HNF1A: variants seen among roughly 807,000 people sequenced by gnomAD.
HNF1A encodes HNF1 homeobox A.
Under a neutral mutation model 62.2 loss-of-function variants are expected in HNF1A, and 21 were observed. That is an observed-to-expected ratio of 0.34 (90% CI 0.24 to 0.49). The LOEUF (loss-of-function observed/expected upper bound fraction) is 0.49, where lower values mean the gene tolerates loss of function less well. Ranked by LOEUF, HNF1A falls within the 20% of genes least tolerant of loss-of-function variation. The pLI, the probability that HNF1A is intolerant of heterozygous loss-of-function variation, is 0.99. For synonymous variants in HNF1A, 374 were observed against 366.8 expected, an observed-to-expected ratio of 1.02 and a Z score of -0.22; for missense variants, 687 against 832.3, an observed-to-expected ratio of 0.83 and a Z score of 2.15.
rs1165270118 is a variant in HNF1A, at chr12:120,994,378, C to T, written c.928C>T (p.Pro310Ser). ...PAHSSPGLPP[P>S]ALSPSKVHGV... ...TCACAGCTCCCCTGGCCTGCCTCCA[C>T]CTGCCCTCTCCCCCAGTAAGGTCCA... Residue 310 changes from proline (P) to serine (S), a missense_variant, in exon 4 of 10, where the codon CCT becomes TCT. By Grantham distance (74) the Pro-to-Ser change is moderately conservative. Around this residue, in one of 5 missense-constraint regions of HNF1A, gnomAD observed 408 missense variants for 455.3 expected, o/e 0.90. Coordinates refer to ENST00000257555, the MANE Select transcript of HNF1A (RefSeq NM_000545.8). 1 of 1,592,524 alleles carries T rather than the reference C, an allele frequency of 6.3e-7. No homozygotes were observed. The highest frequency in any genetic ancestry group is 8.6e-7 in the Non-Finnish European group (1 of 1,169,434).
At chr12:120,994,744 C>T (rs1292942465) in intron 4 of HNF1A, among the ~76,000 whole-genome samples, 1 of 151,000 alleles carries the variant, frequency 6.6e-6, no homozygotes, top group Non-Finnish European at 1.5e-5. Flanking sequence ...TCATCCCATC[C>T]ACTACATTCA....
intron 1 of HNF1A, chr12:120,979,540 AGCTGGGGTTTGGGG>A (rs2135820950): frequency 5.7e-6 from 1 of 176,944 alleles, no homozygotes; most frequent in South Asian, 1.3e-4. Flanking sequence ...GAGGGCCCGA[AGCTGGGGTTTGGGG>A]GCTTTCCTGG....
chr12:120,997,744 G>C (rs1877188633), intron 7 of HNF1A, 79 bp downstream of exon 7: 1 of 1,417,800 alleles, frequency 7.1e-7, no homozygotes, highest in South Asian at 1.2e-5. Flanking sequence ...AGGGGTGCCT[G>C]GCAGGCATTG....
At chr12:120,987,300 C>T (rs191652334) in intron 1 of HNF1A, among the ~76,000 whole-genome samples, 224 of 151,938 alleles carry the variant, frequency 1.5e-3, no homozygotes, top group African/African-American at 5.1e-3. Flanking sequence ...CGGTGAAACC[C>T]CGTCTCTACT....
chr12:120,985,963 C>A (rs1219889354), intron 1 of HNF1A, among the ~76,000 whole-genome samples: 1 of 150,968 alleles, frequency 6.6e-6, no homozygotes, highest in Non-Finnish European at 1.5e-5. Context: ...CCAGCCTGGC[C>A]ACAGAGCAAG....
At chr12:120,999,671 C>A in intron 9 of HNF1A, 44 bp downstream of exon 9, 2 of 1,586,486 alleles carry the variant, frequency 1.3e-6, no homozygotes, top group Admixed American at 1.7e-5. Flanking sequence ...GTCCCTGCCC[C>A]CTTCCATGTT....
rs145240086 is a variant in HNF1A, at chr12:120,993,686, G to T, written c.693G>T (p.Thr231=). The part of the protein sequence containing the change: ...QKNPSKEERE[T]LVEECNRAEC... ...ACCCTAGCAAGGAGGAGCGAGAGACGCTAGTGGAGGAGTGCAATAGGTACA... is the reference window on the plus strand; with the variant it reads ...ACCCTAGCAAGGAGGAGCGAGAGACTCTAGTGGAGGAGTGCAATAGGTACA... Residue 231 remains threonine, a synonymous_variant, in exon 3 of 10, where the codon ACG becomes ACT. Transcript: ENST00000257555. 2.5e-6 allele frequency: 4 copies of T among 1,613,884 alleles called. No homozygotes were observed. Among genetic ancestry groups the T allele is most frequent in the Non-Finnish European group, 2.5e-6 (3 of 1,180,022 alleles).
rs1877146772 is a variant in HNF1A, at chr12:120,997,048, T to C, written c.1309+306T>C. ...GTAAGGGGGACTGATGTTTTCTAAG[T>C]TTTTGTTTTATGAAGAAAAATTAAG... is the stretch of plus-strand genomic sequence containing the variant. On this transcript the variant is annotated intron_variant, in intron 6 of 9. Coordinates refer to ENST00000257555, the MANE Select transcript of HNF1A (RefSeq NM_000545.8). 4 of 1,432,096 alleles carry C rather than the reference T, an allele frequency of 2.8e-6. No individual in the cohort carries two copies. In the Admixed American group the frequency reaches 1.1e-4, roughly 39 times the overall value. The allele number at this position is 1,432,096 out of a possible 1,614,324, so 88.7% of individuals were successfully genotyped here.
intron 7 of HNF1A, 29 bp downstream of exon 7, chr12:120,997,694 A>C (rs770543581): frequency 1.1e-5 from 17 of 1,589,810 alleles, no homozygotes; most frequent in Non-Finnish European, 1.4e-5. Context: ...ACACAGCAGG[A>C]GATGATGATA....
chr12:120,979,987 G>A (rs1876168128), intron 1 of HNF1A, among the ~76,000 whole-genome samples: 1 of 152,042 alleles, frequency 6.6e-6, no homozygotes, highest in Non-Finnish European at 1.5e-5. Context: ...AAGGAAGGAT[G>A]GCCTGGGGGC....
intron 1 of HNF1A, among the ~76,000 whole-genome samples, chr12:120,982,869 A>C (rs1876323240): frequency 6.6e-6 from 1 of 152,166 alleles, no homozygotes; most frequent in Non-Finnish European, 1.5e-5. Context: ...GTTGACCATC[A>C]ACTCACTTCC....
intron 1 of HNF1A, among the ~76,000 whole-genome samples, chr12:120,982,418 C>T (rs533457593): frequency 6.6e-6 from 1 of 152,036 alleles, no homozygotes; most frequent in African/African-American, 2.4e-5. Context: ...CATCAGGCAG[C>T]ATCAGGGCAC....
At chr12:120,995,693 G>A (rs931409881) in intron 4 of HNF1A, among the ~76,000 whole-genome samples, 13 of 147,956 alleles carry the variant, frequency 8.8e-5, no homozygotes, top group Non-Finnish European at 1.9e-4. Flanking sequence ...TCCACTCCAC[G>A]CCACACTATT....
intron 1 of HNF1A, among the ~76,000 whole-genome samples, chr12:120,987,081 G>A (rs1191297127): frequency 6.6e-6 from 1 of 152,164 alleles, no homozygotes; most frequent in Non-Finnish European, 1.5e-5. Flanking sequence ...TCTCTCTGGT[G>A]GGAGAATCTC....
rs758034834 is a variant in HNF1A at position 120,999,371 on chromosome 12, C to A, written c.1605C>A (p.Ser535Arg). The A allele has an allele frequency of 1.2e-6, 2 of 1,614,056 alleles. No individual in the cohort carries two copies. Among genetic ancestry groups the A allele is most frequent in the South Asian group, 2.2e-5 (2 of 91,084 alleles). Reference sequence around the variant, plus strand: ...CCACCAACCTGAGCGCCCTGGCCAGCCTCACGCCCACCAAGCAGGTAAGGT... The same window carrying A: ...CCACCAACCTGAGCGCCCTGGCCAGACTCACGCCCACCAAGCAGGTAAGGT... The part of the protein sequence containing the change: ...TDTTNLSALA[S>R]LTPTKQVFTS... The change falls in exon 8 of 10, where the codon AGC (serine) becomes AGA (arginine). Residue 535 changes from serine to arginine, a missense_variant. Around this residue, in one of 5 missense-constraint regions of HNF1A, gnomAD observed 408 missense variants for 455.3 expected, o/e 0.90. Transcript: ENST00000257555.
intron 1 of HNF1A, among the ~76,000 whole-genome samples, chr12:120,980,055 A>G (rs1255142971): frequency 2.6e-5 from 4 of 152,144 alleles, no homozygotes; most frequent in Non-Finnish European, 5.9e-5. Flanking sequence ...CGCCTGCTTG[A>G]GGAGGTTCAC....
rs2135855607 is a variant in HNF1A at position 121,001,498 on chromosome 12, G to T, written c.*306G>T. On this transcript the variant is annotated 3_prime_UTR_variant, in exon 10 of 10. Transcript: ENST00000257555. ...CAGTCTTCTTACTTGGAACTGAAGG[G>T]GGCGGCCTATGACTTGGGCACCCCC... 1 of 466,324 alleles carries T rather than the reference G, an allele frequency of 2.1e-6. No homozygotes were observed. Among genetic ancestry groups the T allele is most frequent in the African/African-American group, 1.9e-5 (1 of 51,618 alleles). The allele number at this position is 466,324 out of a possible 1,614,324, so 28.9% of individuals were successfully genotyped here.
chr12:120,997,208 G>A (rs1443918257), intron 6 of HNF1A: 4 of 1,418,988 alleles, frequency 2.8e-6, no homozygotes, highest in East Asian at 2.6e-5. Flanking sequence ...GGGCTCCAGG[G>A]AACCGCAGTT....
chr12:120,994,037 T>C (rs779435006), intron 3 of HNF1A, 127 bp from the exon 4 acceptor site: 278 of 1,317,204 alleles, frequency 2.1e-4, no homozygotes, highest in Admixed American at 2.0e-3. Flanking sequence ...AGACCTGGCA[T>C]TGGAACCCAG....
Sources: gnomAD v4.1 joint callset for allele counts (sites outside exome capture counted in the v4.1 genomes callset) on GRCh38, gnomAD v4.1.1 for gene constraint, gnomAD v4.1.1 regional missense constraint, MANE v1.5 for transcripts, NCBI Gene and HGNC (gene_info 2026-07-23, HGNC 2026-07-21) for gene names.